The following GPM6A variants were observed in gnomAD, a reference collection of about 807,000 sequenced individuals.
GPM6A encodes the protein glycoprotein M6A.
Under a neutral mutation model 32.1 loss-of-function variants are expected in GPM6A, and 7 were observed. The ratio of observed to expected loss-of-function variants is 0.22; its 90% CI spans 0.12 to 0.41. GPM6A has a LOEUF of 0.41. Ranked by LOEUF, GPM6A falls within the 10% of genes least tolerant of loss-of-function variation. The pLI is 1.00. For missense variants in GPM6A, 235 were observed against 347.2 expected, an observed-to-expected ratio of 0.68 and a Z score of 2.57; for synonymous variants, 130 against 123.4, an observed-to-expected ratio of 1.05 and a Z score of -0.35.
At chr4:175,937,638 T>G (rs1739282713) in intron 1 of GPM6A, among the ~76,000 whole-genome samples, 1 of 152,118 alleles carries the variant, frequency 6.6e-6, no homozygotes, top group African/African-American at 2.4e-5. Flanking sequence ...TGATCACCTA[T>G]GGGTTGGAGA....
intron 1 of GPM6A, among the ~76,000 whole-genome samples, chr4:176,000,974 G>C (rs79130877): frequency 6.6e-6 from 1 of 152,224 alleles, no homozygotes; most frequent in Non-Finnish European, 1.5e-5. Flanking sequence ...TTATACAAAG[G>C]CCCTAAAAAT....
chr4:175,655,950 C>G (rs544068745), intron 3 of GPM6A, among the ~76,000 whole-genome samples: 7 of 152,166 alleles, frequency 4.6e-5, no homozygotes, highest in Admixed American at 2.0e-4. Context: ...TTACTTTGTA[C>G]TTTCAAAGGG....
intron 1 of GPM6A, among the ~76,000 whole-genome samples, chr4:175,823,251 CAT>C (rs1186059769): frequency 3.3e-5 from 5 of 152,144 alleles, no homozygotes; most frequent in African/African-American, 4.8e-5. Context: ...TTAGCCAACA[CAT>C]GTTAGCTTTT....
intron 3 of GPM6A, among the ~76,000 whole-genome samples, chr4:175,656,245 A>C (rs1202360711): frequency 6.6e-6 from 1 of 152,114 alleles, no homozygotes; most frequent in Non-Finnish European, 1.5e-5. Context: ...AATTGGTATA[A>C]AATGATAAAG....
At chr4:175,637,230 A>ATATATAT (rs1199293224) in intron 6 of GPM6A, among the ~76,000 whole-genome samples, 3 of 29,234 alleles carry the variant, frequency 1.0e-4, no homozygotes, top group South Asian at 2.8e-3. Context: ...ATAATATAAA[A>ATATATAT]TATATATTAT....
intron 1 of GPM6A, among the ~76,000 whole-genome samples, chr4:175,909,027 AC>A (rs1184588649): frequency 4.9e-5 from 4 of 81,076 alleles, no homozygotes; most frequent in Non-Finnish European, 1.0e-4. Context: ...CTAGAGGCAG[AC>A]AAAAAAAAAA....
At chr4:175,880,145 T>A (rs951361587) in intron 1 of GPM6A, among the ~76,000 whole-genome samples, 1 of 152,218 alleles carries the variant, frequency 6.6e-6, no homozygotes, top group Non-Finnish European at 1.5e-5. Flanking sequence ...AAATAGGGAA[T>A]CCTTTCCTCA....
chr4:175,799,842 T>G (rs1734402010), intron 1 of GPM6A, among the ~76,000 whole-genome samples: 1 of 151,580 alleles, frequency 6.6e-6, no homozygotes, highest in African/African-American at 2.4e-5. Flanking sequence ...GCCCGGCTAA[T>G]TTTTTGTATT....
At chr4:175,681,217 A>T (rs1322722451) in intron 2 of GPM6A, among the ~76,000 whole-genome samples, 1 of 152,202 alleles carries the variant, frequency 6.6e-6, no homozygotes, top group Non-Finnish European at 1.5e-5. Context: ...TCCAACCAGC[A>T]GTATATTAGA....
chr4:175,764,234 C>T (rs1732869841), intron 1 of GPM6A, among the ~76,000 whole-genome samples: 1 of 152,170 alleles, frequency 6.6e-6, no homozygotes, highest in African/African-American at 2.4e-5. Context: ...ATTTGCCTAT[C>T]CCGAGTATTT....
rs538668203 is a variant in GPM6A, at chr4:175,687,676, T to G, written c.231-13840A>C. Among the ~76,000 whole-genome samples, 6 of 152,278 alleles carry G rather than the reference T, an allele frequency of 3.9e-5. No individual in the cohort carries two copies. In the East Asian group the frequency reaches 1.2e-3, roughly 29 times the overall value. On this transcript the variant is annotated intron_variant, in intron 2 of 6. Coordinates refer to ENST00000393658, the MANE Select transcript of GPM6A (RefSeq NM_201591.3). ...TCTTCAAGATCCTGATATGAACTCT[T>G]TTGTATTAATACCCGGAAATGGGAT...
chr4:175,934,821 T>C (rs1739167089), intron 1 of GPM6A, among the ~76,000 whole-genome samples: 1 of 152,162 alleles, frequency 6.6e-6, no homozygotes, highest in Non-Finnish European at 1.5e-5. Flanking sequence ...AACAAATCAA[T>C]TGCTTCATAC....
chr4:175,708,363 T>TTTTATTTATTTATTTATTTA (rs57574939), intron 1 of GPM6A, among the ~76,000 whole-genome samples: 2 of 142,208 alleles, frequency 1.4e-5, no homozygotes. Flanking sequence ...AGAAGGTTTA[T>TTTTATTTATTTATTTATTTA]TTTATTTATT....
At chr4:175,999,747 A>G (rs1741417233) in intron 1 of GPM6A, among the ~76,000 whole-genome samples, 2 of 152,104 alleles carry the variant, frequency 1.3e-5, no homozygotes, top group African/African-American at 2.4e-5. Flanking sequence ...GGAAAAAAAC[A>G]AAAACAAAAC....
intron 1 of GPM6A, among the ~76,000 whole-genome samples, chr4:175,790,903 A>G (rs1733987200): frequency 1.3e-5 from 2 of 152,200 alleles, no homozygotes; most frequent in Non-Finnish European, 2.9e-5. Flanking sequence ...AATCCTTTAG[A>G]TATATAACAT....
At chr4:175,651,394 C>T (rs1469068275) in intron 4 of GPM6A, among the ~76,000 whole-genome samples, 1 of 151,482 alleles carries the variant, frequency 6.6e-6, no homozygotes, top group Admixed American at 6.6e-5. Flanking sequence ...TTATTAAATG[C>T]TAATTAAGAT....
chr4:175,841,990 C>A (rs903938594), intron 1 of GPM6A, among the ~76,000 whole-genome samples: 2 of 151,802 alleles, frequency 1.3e-5, no homozygotes, highest in Non-Finnish European at 2.9e-5. Context: ...ATACATGTAG[C>A]CAAAATAATT....
chr4:175,768,965 G>A (rs1464117895), intron 1 of GPM6A, among the ~76,000 whole-genome samples: 1 of 151,962 alleles, frequency 6.6e-6, no homozygotes, highest in African/African-American at 2.4e-5. Context: ...CGTGGTGGTG[G>A]GCGCCTGTAA....
At chr4:175,737,261 T>C (rs1472303374) in intron 1 of GPM6A, among the ~76,000 whole-genome samples, 1 of 152,122 alleles carries the variant, frequency 6.6e-6, no homozygotes, top group Non-Finnish European at 1.5e-5. Flanking sequence ...AAAAGAGGTT[T>C]ATGTGGCTCA....
Sources: allele counts gnomAD v4.1 joint callset (sites outside exome capture counted in the v4.1 genomes callset), GRCh38; gene constraint gnomAD v4.1.1; transcripts MANE v1.5; gene names NCBI Gene and HGNC (gene_info 2026-07-23, HGNC 2026-07-21).